Variants in SMAD4 observed in about 807,000 individuals in gnomAD.
The protein encoded by SMAD4 is MAD homolog 4.
SMAD4 carries 7 observed loss-of-function variants against 63.2 expected under a neutral mutation model. That is an observed-to-expected ratio of 0.11 (90% CI 0.06 to 0.21). SMAD4 has a LOEUF of 0.21. SMAD4 is among the 10% of genes least tolerant of loss of function. The pLI is 1.00. For synonymous variants in SMAD4, 215 were observed against 235.4 expected, an observed-to-expected ratio of 0.91 and a Z score of 0.79; for missense variants, 312 against 693.8, an observed-to-expected ratio of 0.45 and a Z score of 6.18.
chr18:51,051,489 T>A (rs2144411872), intron 4 of SMAD4: 1 of 433,308 alleles, frequency 2.3e-6, no homozygotes, highest in Non-Finnish European at 4.6e-6. Context: ...ATTTCCAGCC[T>A]ATCTTTTACC....
At chr18:51,041,700 C>G (rs1909389891) in intron 1 of SMAD4, among the ~76,000 whole-genome samples, 1 of 152,220 alleles carries the variant, frequency 6.6e-6, no homozygotes, top group Non-Finnish European at 1.5e-5. Flanking sequence ...GCTGTCCTAT[C>G]CCTTCTCCTG....
intron 1 of SMAD4, among the ~76,000 whole-genome samples, chr18:51,042,607 G>C (rs1909421586): frequency 6.6e-6 from 1 of 151,582 alleles, no homozygotes; most frequent in Non-Finnish European, 1.5e-5. Context: ...CCGTGCCTTT[G>C]TTGCCAGGCT....
At position 51,082,757 on chromosome 18, in the gene SMAD4, C is replaced by T. The variant is rs1253433312; in HGVS notation, c.*4290C>T. On this transcript the variant is annotated 3_prime_UTR_variant, in exon 12 of 12. Coordinates refer to ENST00000342988, the MANE Select transcript of SMAD4 (RefSeq NM_005359.6). The stretch of plus-strand genomic sequence containing the variant: ...GTTTTTTTTTTTTAACCCACTTCCC[C>T]TCCTGGTCTCTTCCCTCTCTGATAA... 1.3e-5 allele frequency: 3 copies of T among 230,458 alleles called. No individual in the cohort carries two copies. Among genetic ancestry groups the T allele is most frequent in the Non-Finnish European group, 2.6e-5 (3 of 116,378 alleles). The allele number at this position is 230,458 out of a possible 1,614,324, so 14.3% of individuals were successfully genotyped here. A position where few individuals can be genotyped will look rare whatever the true frequency, so the allele number is the denominator to read the frequency against.
chr18:51,041,633 T>C (rs931611461), intron 1 of SMAD4, among the ~76,000 whole-genome samples: 1 of 152,218 alleles, frequency 6.6e-6, no homozygotes, highest in Non-Finnish European at 1.5e-5. Context: ...CATGGCCTTA[T>C]GACTTTGGCC....
In SMAD4 at chr18:51,083,195, G is replaced by A. The variant is rs1363904145; in HGVS notation, c.*4728G>A. 1 of 227,572 alleles carries A rather than the reference G, an allele frequency of 4.4e-6. No individual in the cohort carries two copies. Among genetic ancestry groups the A allele is most frequent in the Non-Finnish European group, 8.7e-6 (1 of 114,568 alleles). 14.1% of individuals were successfully genotyped at this position (227,572 alleles called of 1,614,324 possible). On this transcript the variant is annotated 3_prime_UTR_variant, in exon 12 of 12. Transcript: ENST00000342988. ...ATCAGTAGCCAGAGGCAATACCGTTGTCTGGAGGACACCAGCAAACAACAC... is the reference window on the plus strand; with the variant it reads ...ATCAGTAGCCAGAGGCAATACCGTTATCTGGAGGACACCAGCAAACAACAC...
At chr18:51,048,361 T>C (rs1405282593) in intron 2 of SMAD4, among the ~76,000 whole-genome samples, 2 of 152,204 alleles carry the variant, frequency 1.3e-5, no homozygotes, top group East Asian at 3.9e-4. Context: ...TCTTGCCATG[T>C]TGTCCAGGCT....
chr18:51,056,620 CAAAAAAAA>C (rs74178610), intron 5 of SMAD4, among the ~76,000 whole-genome samples: 14 of 59,322 alleles, frequency 2.4e-4, no homozygotes, highest in Non-Finnish European at 3.7e-4. Context: ...ACTCCATCTC[CAAAAAAAA>C]AAAAAAAAAA....
At chr18:51,066,085 C>T (rs1394233370) in intron 9 of SMAD4, among the ~76,000 whole-genome samples, 2 of 152,044 alleles carry the variant, frequency 1.3e-5, no homozygotes, top group Non-Finnish European at 2.9e-5. Flanking sequence ...GGTGCGGTGG[C>T]TCACACCTAT....
At chr18:51,061,095 A>G (rs773635197) in intron 8 of SMAD4, among the ~76,000 whole-genome samples, 2 of 152,078 alleles carry the variant, frequency 1.3e-5, no homozygotes, top group Non-Finnish European at 2.9e-5. Context: ...TTGTGGGTAC[A>G]TAGGAGATGT....
intron 10 of SMAD4, among the ~76,000 whole-genome samples, chr18:51,071,622 A>G (rs1266580415): frequency 6.6e-6 from 1 of 152,186 alleles, no homozygotes; most frequent in African/African-American, 2.4e-5. Context: ...TGAGATTTTG[A>G]GAGAGAATTC....
intron 10 of SMAD4, among the ~76,000 whole-genome samples, chr18:51,069,621 T>C (rs925053271): frequency 2.6e-5 from 4 of 152,230 alleles, no homozygotes; most frequent in Admixed American, 2.6e-4. Flanking sequence ...ATTTAGGAAG[T>C]AGGGGGACTT....
In SMAD4 at chr18:51,054,953, C is replaced by T. The variant is rs905151346; in HGVS notation, c.627C>T (p.Thr209=). Residue 209 remains threonine, a synonymous_variant, in exon 5 of 12, where the codon ACC becomes ACT. Transcript: ENST00000342988. The part of the protein sequence containing the change: ...ALLAPSESNA[T]STANFPNIPV... ...TAGCCCCATCTGAGTCTAATGCTAC[C>T]AGCACTGCCAACTTTCCCAACATTC... 6.2e-7 allele frequency: 1 copy of T among 1,614,122 alleles called. No individual in the cohort carries two copies. Among genetic ancestry groups the T allele is most frequent in the Non-Finnish European group, 8.5e-7 (1 of 1,179,976 alleles).
chr18:51,066,036 C>A (rs1156911745), intron 9 of SMAD4, among the ~76,000 whole-genome samples: 1 of 140,812 alleles, frequency 7.1e-6, no homozygotes, highest in Non-Finnish European at 1.6e-5. Flanking sequence ...CTTTTTTATA[C>A]AGTCATTAAA....
At chr18:51,076,610 C>A (rs2144473331) in intron 10 of SMAD4, 28 bp from the exon 11 acceptor site, 2 of 1,606,480 alleles carry the variant, frequency 1.2e-6, no homozygotes, top group South Asian at 2.2e-5. Context: ...TTTATGAACT[C>A]ATAGTATGAA....
At chr18:51,035,013 C>CTGT (rs781375377) in intron 1 of SMAD4, among the ~76,000 whole-genome samples, 5 of 152,334 alleles carry the variant, frequency 3.3e-5, no homozygotes, top group Non-Finnish European at 5.9e-5. Context: ...TTCTTTTGAA[C>CTGT]TGTTTCACTT....
At chr18:51,033,316 A>C (rs945246458) in intron 1 of SMAD4, among the ~76,000 whole-genome samples, 1 of 151,268 alleles carries the variant, frequency 6.6e-6, no homozygotes, top group Non-Finnish European at 1.5e-5. Context: ...CAGCCTCCTG[A>C]GTAGCTGGGA....
chr18:51,058,056 C>A, intron 5 of SMAD4, 69 bp from the exon 6 acceptor site: 1 of 1,583,320 alleles, frequency 6.3e-7, no homozygotes, highest in South Asian at 1.1e-5. Flanking sequence ...ATTGGTCCTT[C>A]ATTTAGTATA....
At chr18:51,074,889 A>C (rs1910432691) in intron 10 of SMAD4, among the ~76,000 whole-genome samples, 1 of 151,874 alleles carries the variant, frequency 6.6e-6, no homozygotes, top group Non-Finnish European at 1.5e-5. Flanking sequence ...CTTTCTTTTA[A>C]ATTTAAATTT....
chr18:51,052,334 C>T (rs983292423), intron 4 of SMAD4: 1 of 152,406 alleles, frequency 6.6e-6, no homozygotes, highest in Non-Finnish European at 1.5e-5. Flanking sequence ...GGAACTTGCC[C>T]AAGAATAGGC....
Sources: allele counts gnomAD v4.1 joint callset (sites outside exome capture counted in the v4.1 genomes callset), GRCh38; gene constraint gnomAD v4.1.1; transcripts MANE v1.5; gene names NCBI Gene and HGNC (gene_info 2026-07-23, HGNC 2026-07-21).